The following TENM2 variants were observed in gnomAD, a reference collection of about 807,000 sequenced individuals.
The protein encoded by TENM2 is teneurin transmembrane protein 2.
Under a neutral mutation model 245.2 loss-of-function variants are expected in TENM2, and 52 were observed. That is an observed-to-expected ratio of 0.21 (90% confidence interval 0.17 to 0.27). The LOEUF (loss-of-function observed/expected upper bound fraction) is 0.27, where lower values mean the gene tolerates loss of function less well. Ranked by LOEUF, TENM2 falls within the 10% of genes least tolerant of loss-of-function variation. The pLI is 1.00. For synonymous variants in TENM2, 1,363 were observed against 1,438.9 expected, an observed-to-expected ratio of 0.95 and a Z score of 1.19; for missense variants, 3,046 against 3,666.8, an observed-to-expected ratio of 0.83 and a Z score of 4.37.
chr5:167,004,786 G>A, the TENM2 span, among the ~76,000 whole-genome samples: 2 of 152,138 alleles, frequency 1.3e-5, no homozygotes, highest in East Asian at 1.9e-4. Context: ...AGGGCCTTAC[G>A]TTATTGAATG....
At chr5:167,129,807 T>C in the TENM2 span, among the ~76,000 whole-genome samples, 1 of 152,134 alleles carries the variant, frequency 6.6e-6, no homozygotes, top group Admixed American at 6.5e-5. Flanking sequence ...TTACAGAATA[T>C]TTGGGTAAGA....
the TENM2 span, among the ~76,000 whole-genome samples, chr5:167,123,560 T>C: frequency 2.6e-5 from 4 of 152,320 alleles, no homozygotes; most frequent in East Asian, 7.7e-4. Flanking sequence ...TAAATGAACC[T>C]TCATAAACTT....
intron 6 of TENM2, 53 bp from the exon 9 acceptor site, chr5:168,062,007 C>A: frequency 2.0e-6 from 3 of 1,470,348 alleles, no homozygotes; most frequent in South Asian, 2.6e-5. Flanking sequence ...AATATAGAGC[C>A]AACTAATCTA....
the TENM2 span, among the ~76,000 whole-genome samples, chr5:167,141,184 C>G: frequency 4.6e-5 from 7 of 152,118 alleles, no homozygotes. Context: ...TTCATGCATA[C>G]GCAGCTCTAT....
intron 1 of TENM2, among the ~76,000 whole-genome samples, chr5:167,343,391 A>C (rs574290217): frequency 6.6e-6 from 1 of 152,184 alleles, no homozygotes; most frequent in Non-Finnish European, 1.5e-5. Context: ...TTTCTGTTTG[A>C]TTAGGTGTTA....
chr5:168,115,359 G>GGAAGGAAGGAA (rs766545923), intron 9 of TENM2, among the ~76,000 whole-genome samples: 2 of 71,594 alleles, frequency 2.8e-5, no homozygotes, highest in Admixed American at 3.6e-4. Context: ...AGGGAAGGAA[G>GGAAGGAAGGAA]GGAAGGAAGG....
the TENM2 span, among the ~76,000 whole-genome samples, chr5:167,244,521 G>A: frequency 1.3e-5 from 2 of 152,290 alleles, no homozygotes; most frequent in Admixed American, 6.5e-5. Flanking sequence ...AAATATAGCT[G>A]TGTTCCTGAA....
intron 2 of TENM2, among the ~76,000 whole-genome samples, chr5:167,537,435 T>A (rs1771927190): frequency 6.6e-6 from 1 of 152,194 alleles, no homozygotes; most frequent in African/African-American, 2.4e-5. Context: ...GAATATGTGC[T>A]TAGGAATCAT....
chr5:167,513,310 G>A (rs1770093747), intron 2 of TENM2, among the ~76,000 whole-genome samples: 1 of 152,094 alleles, frequency 6.6e-6, no homozygotes, highest in Non-Finnish European at 1.5e-5. Flanking sequence ...GTTTTATTTG[G>A]AGATGTTCAG....
At chr5:167,261,377 G>A in the TENM2 span, among the ~76,000 whole-genome samples, 8 of 152,084 alleles carry the variant, frequency 5.3e-5, no homozygotes, top group African/African-American at 1.9e-4. Flanking sequence ...AATAGTCATT[G>A]TTACTCCTTA....
chr5:167,634,313 T>C (rs986006608), intron 2 of TENM2, among the ~76,000 whole-genome samples: 1 of 152,178 alleles, frequency 6.6e-6, no homozygotes, highest in Non-Finnish European at 1.5e-5. Context: ...GCAAGTAAGT[T>C]CAATTGTAAA....
At position 167,946,449 on chromosome 5, in the gene TENM2, C is replaced by T. The variant is rs1393424130; in HGVS notation, c.713-6139C>T. The stretch of plus-strand genomic sequence containing the variant: ...GAGATTGCACTGCAGTTTGGCTGTT[C>T]TGGCCTATTTCTCCTGATTCAAGCA... On this transcript the variant is annotated intron_variant, in intron 3 of 28. Coordinates refer to ENST00000518659, the Ensembl canonical transcript of TENM2. Among the ~76,000 whole-genome samples, 18 of 152,180 alleles carry T rather than the reference C, an allele frequency of 1.2e-4. 1 individual carries two copies. The highest frequency in any genetic ancestry group is 1.2e-3 in the Admixed American group (18 of 15,274).
intron 25 of TENM2, chr5:168,240,910 G>A (rs1562323994): frequency 6.6e-6 from 1 of 152,086 alleles, no homozygotes; most frequent in Non-Finnish European, 1.5e-5. Context: ...AAACCCATAG[G>A]TTTAAGAATG....
At position 167,570,726 on chromosome 5, in the gene TENM2, G is replaced by T. The variant is rs145398937; in HGVS notation, c.502+195253G>T. Among the ~76,000 whole-genome samples the T allele has an allele frequency of 2.0e-3, 307 of 152,308 alleles. 1 individual carries two copies. Among genetic ancestry groups the T allele is most frequent in the Non-Finnish European group, 3.7e-3 (255 of 68,014 alleles). Reference sequence around the variant, plus strand: ...AAACAGCCTAAAGAAGAGCTGCATTGAAGAATTATTGCAACTGTCCAGGCA... The same window carrying T: ...AAACAGCCTAAAGAAGAGCTGCATTTAAGAATTATTGCAACTGTCCAGGCA... On this transcript the variant is annotated intron_variant, in intron 2 of 28. Transcript: ENST00000518659.
intron 1 of TENM2, among the ~76,000 whole-genome samples, chr5:167,349,614 A>T (rs997890719): frequency 2.6e-5 from 4 of 152,166 alleles, no homozygotes; most frequent in Admixed American, 2.0e-4. Context: ...ATACACACAC[A>T]TATACTGTAT....
intron 24 of TENM2, 45 bp from the exon 27 acceptor site, chr5:168,227,850 G>T: frequency 7.9e-7 from 1 of 1,265,570 alleles, no homozygotes; most frequent in Non-Finnish European, 1.1e-6. Context: ...CTAATAGAGC[G>T]GATAATTTAT....
At chr5:168,216,912 A>C in exon 22 of TENM2, 1 of 1,613,910 alleles carries the variant, frequency 6.2e-7, no homozygotes, top group Non-Finnish European at 8.5e-7. Context: ...TCCAGCATGG[A>C]TGTAGCCCAG....
chr5:168,134,612 G>A (rs552309297), intron 12 of TENM2, among the ~76,000 whole-genome samples: 4 of 152,164 alleles, frequency 2.6e-5, no homozygotes, highest in South Asian at 4.2e-4. Flanking sequence ...ACTTGAACTC[G>A]GGAGGCAGAG....
At chr5:167,078,190 G>A in the TENM2 span, among the ~76,000 whole-genome samples, 1 of 151,948 alleles carries the variant, frequency 6.6e-6, no homozygotes, top group South Asian at 2.1e-4. Flanking sequence ...GGTTACAAAA[G>A]TGGGAATGTT....
Sources: gnomAD v4.1 joint callset for allele counts (sites outside exome capture counted in the v4.1 genomes callset) on GRCh38, gnomAD v4.1.1 for gene constraint, MANE v1.5 for transcripts, NCBI Gene and HGNC (gene_info 2026-07-23, HGNC 2026-07-21) for gene names.